DPYD: variants seen among roughly 807,000 people sequenced by gnomAD.
The protein encoded by DPYD is dihydropyrimidine dehydrogenase.
DPYD carries 109 observed loss-of-function variants against 116.2 expected under a neutral mutation model. That is an observed-to-expected ratio of 0.94 (90% CI 0.80 to 1.10). The LOEUF (loss-of-function observed/expected upper bound fraction) is 1.10. Ranked by LOEUF, DPYD falls within the 50% of genes least tolerant of loss-of-function variation. DPYD has a pLI of 0.00. For synonymous variants in DPYD, 440 were observed against 432.0 expected (o/e 1.02, Z -0.23); for missense variants, 1,302 against 1,254.5 (o/e 1.04, Z -0.57).
intron 18 of DPYD, among the ~76,000 whole-genome samples, chr1:97,249,972 T>A (rs1017642985): frequency 2.6e-5 from 4 of 151,720 alleles, no homozygotes; most frequent in Admixed American, 1.3e-4. Context: ...CTGGAAGGAG[T>A]ATAAAATGAT....
At chr1:97,746,521 T>C (rs534796586) in intron 3 of DPYD, among the ~76,000 whole-genome samples, 1 of 152,236 alleles carries the variant, frequency 6.6e-6, no homozygotes, top group Non-Finnish European at 1.5e-5. Context: ...AATATACTTA[T>C]GACTATTAAA....
intron 20 of DPYD, among the ~76,000 whole-genome samples, chr1:97,102,018 A>G (rs1650727461): frequency 6.6e-6 from 1 of 152,068 alleles, no homozygotes; most frequent in Admixed American, 6.6e-5. Context: ...TAGAAAAGTG[A>G]CAACATAATG....
At chr1:97,603,137 A>T (rs986611563) in intron 8 of DPYD, among the ~76,000 whole-genome samples, 2 of 152,060 alleles carry the variant, frequency 1.3e-5, no homozygotes, top group African/African-American at 4.8e-5. Flanking sequence ...AGTAAGGGTA[A>T]GCAAAAATCT....
At chr1:97,559,934 C>T (rs545547961) in intron 11 of DPYD, among the ~76,000 whole-genome samples, 17 of 152,292 alleles carry the variant, frequency 1.1e-4, no homozygotes, top group African/African-American at 3.6e-4. Context: ...TTTGGATCCT[C>T]ACAAAATAGG....
chr1:97,584,612 T>C (rs973485388), intron 10 of DPYD, among the ~76,000 whole-genome samples: 21 of 152,050 alleles, frequency 1.4e-4, no homozygotes, highest in African/African-American at 4.6e-4. Flanking sequence ...TGGAATACTA[T>C]GCAGCCATAA....
intron 14 of DPYD, among the ~76,000 whole-genome samples, chr1:97,435,823 A>C (rs1675441064): frequency 6.6e-6 from 1 of 151,954 alleles, no homozygotes; most frequent in African/African-American, 2.4e-5. Context: ...ATGTAAAAGA[A>C]TAAACTAGCT....
intron 20 of DPYD, among the ~76,000 whole-genome samples, chr1:97,191,033 G>C (rs146659521): frequency 4.0e-4 from 61 of 151,762 alleles, no homozygotes; most frequent in African/African-American, 1.3e-3. Context: ...AGGACAATGT[G>C]AGTTATATGC....
chr1:97,231,040 T>C (rs1557957547), intron 19 of DPYD, among the ~76,000 whole-genome samples: 2 of 152,200 alleles, frequency 1.3e-5, no homozygotes, highest in East Asian at 1.9e-4. Flanking sequence ...TGAGGACACA[T>C]AGTACTCTAT....
chr1:97,446,244 C>A (rs895501721), intron 14 of DPYD, among the ~76,000 whole-genome samples: 5 of 152,084 alleles, frequency 3.3e-5, no homozygotes, highest in African/African-American at 1.2e-4. Flanking sequence ...ATTACTATAT[C>A]GTATATTTTA....
chr1:97,361,642 G>T (rs575435682), intron 16 of DPYD, among the ~76,000 whole-genome samples: 4 of 152,128 alleles, frequency 2.6e-5, no homozygotes, highest in Non-Finnish European at 5.9e-5. Flanking sequence ...ATGCCAGCCT[G>T]GTTCAACATA....
At chr1:97,193,043 A>G (rs369984996) in intron 20 of DPYD, 26 bp downstream of exon 20, 92 of 1,613,126 alleles carry the variant, frequency 5.7e-5, no homozygotes, top group Non-Finnish European at 7.5e-5. Flanking sequence ...GTTCTCAAGA[A>G]TAACACAGGA....
At chr1:97,381,178 A>G (rs550831593) in intron 15 of DPYD, among the ~76,000 whole-genome samples, 13 of 151,708 alleles carry the variant, frequency 8.6e-5, no homozygotes, top group African/African-American at 4.8e-5. Context: ...TTTTTGCTAC[A>G]GAGTAATTAG....
chr1:97,888,609 A>T (rs1413685899), intron 1 of DPYD, among the ~76,000 whole-genome samples: 1 of 152,092 alleles, frequency 6.6e-6, no homozygotes, highest in Non-Finnish European at 1.5e-5. Context: ...AATAGCAAAA[A>T]GAAAATCTTG....
rs143038621 is a variant in DPYD at position 97,752,127 on chromosome 1, G to A, written c.234-11648C>T. 7.9e-3 allele frequency among the ~76,000 whole-genome samples: 1,201 copies of A among 152,082 alleles called. 4 individuals carry two copies. The highest frequency in any genetic ancestry group is 0.013 in the Non-Finnish European group (856 of 67,996). On this transcript the variant is annotated intron_variant, in intron 3 of 22. Coordinates refer to ENST00000370192, the MANE Select transcript of DPYD (RefSeq NM_000110.4). ...TGCAACAGTGATTGCCATTATTATA[G>A]AGGATGAAATAGCACATTTGGAAAG...
rs1557938289 is a variant in DPYD, at chr1:97,206,682, ATATAT to A, written c.2443-13439_2443-13435del. ...TATATATATATATATATATATATAT[ATATAT>A]AATCTATATGCTTATAATGCATATG... On this transcript the variant is annotated intron_variant, in intron 19 of 22. Coordinates refer to ENST00000370192, the MANE Select transcript of DPYD (RefSeq NM_000110.4). 4.7e-3 allele frequency among the ~76,000 whole-genome samples: 409 copies of A among 87,698 alleles called. 22 individuals are homozygous for A. The highest frequency in any genetic ancestry group is 0.037 in the East Asian group (53 of 1,420). 57.5% of individuals were successfully genotyped at this position (87,698 alleles called of 152,430 possible).
chr1:97,421,929 C>T (rs1426932586), intron 14 of DPYD, among the ~76,000 whole-genome samples: 2 of 152,024 alleles, frequency 1.3e-5, no homozygotes, highest in Non-Finnish European at 2.9e-5. Flanking sequence ...GCATATAAAG[C>T]GCTAGCCCCT....
At chr1:97,079,963 C>A (rs1016196227) in intron 22 of DPYD, among the ~76,000 whole-genome samples, 9 of 151,770 alleles carry the variant, frequency 5.9e-5, no homozygotes, top group Admixed American at 1.3e-4. Flanking sequence ...AATTCAGGAC[C>A]GAGTTTTTTT....
chr1:97,777,425 A>G (rs1666471028), intron 3 of DPYD, among the ~76,000 whole-genome samples: 1 of 152,194 alleles, frequency 6.6e-6, no homozygotes, highest in Non-Finnish European at 1.5e-5. Flanking sequence ...TATGTTGCTT[A>G]CTTATTAGCA....
chr1:97,191,807 T>A (rs1379545910), intron 20 of DPYD, among the ~76,000 whole-genome samples: 1 of 152,182 alleles, frequency 6.6e-6, no homozygotes, highest in Non-Finnish European at 1.5e-5. Context: ...TTTGTGAATT[T>A]TTTTTAGTTA....
Sources: gnomAD v4.1 joint callset for allele counts (sites outside exome capture counted in the v4.1 genomes callset) on GRCh38, gnomAD v4.1.1 for gene constraint, MANE v1.5 for transcripts, NCBI Gene and HGNC (gene_info 2026-07-23, HGNC 2026-07-21) for gene names.